PALLD: variants seen among roughly 807,000 people sequenced by gnomAD.
PALLD encodes the protein palladin, cytoskeletal associated protein, also known as palladin.
A neutral mutation model predicts 123.5 loss-of-function variants in PALLD; 61 were observed. The ratio of observed to expected loss-of-function variants is 0.49; its 90% CI spans 0.40 to 0.61. The LOEUF is 0.61. Ranked by LOEUF, PALLD falls within the 20% of genes least tolerant of loss-of-function variation. The pLI is 0.00. For missense variants in PALLD, 1,273 were observed against 1,377.0 expected (o/e 0.92, Z 1.20); for synonymous variants, 465 against 496.4 (o/e 0.94, Z 0.84).
chr4:168,506,507 T>A (rs951364610), intron 1 of PALLD, among the ~76,000 whole-genome samples: 4 of 152,294 alleles, frequency 2.6e-5, no homozygotes, highest in Non-Finnish European at 4.4e-5. Context: ...GTTTGTCCTA[T>A]AATAACTCAT....
chr4:168,835,253 C>A (rs1399968889), intron 10 of PALLD, among the ~76,000 whole-genome samples: 1 of 152,192 alleles, frequency 6.6e-6, no homozygotes. Flanking sequence ...ATTCACTATA[C>A]TTCAAAAATT....
chr4:168,801,069 C>T (rs1485140788), intron 10 of PALLD, among the ~76,000 whole-genome samples: 1 of 152,140 alleles, frequency 6.6e-6, no homozygotes, highest in Admixed American at 6.5e-5. Flanking sequence ...AACCAAGTAC[C>T]TTGCTCAGAG....
intron 2 of PALLD, among the ~76,000 whole-genome samples, chr4:168,615,057 A>C (rs573773890): frequency 6.6e-6 from 1 of 152,314 alleles, no homozygotes; most frequent in Admixed American, 6.5e-5. Context: ...ATGATTAAAG[A>C]AATAGGCTAA....
At chr4:168,813,642 A>T (rs1461486037) in intron 10 of PALLD, among the ~76,000 whole-genome samples, 2 of 152,072 alleles carry the variant, frequency 1.3e-5, no homozygotes, top group African/African-American at 4.8e-5. Context: ...AAAATGTTTT[A>T]GAGTTGGGGG....
At chr4:168,842,478 G>A (rs954899562) in intron 10 of PALLD, among the ~76,000 whole-genome samples, 2 of 152,288 alleles carry the variant, frequency 1.3e-5, no homozygotes, top group Admixed American at 1.3e-4. Flanking sequence ...AAATGTGTCT[G>A]GGACTTGCAG....
At chr4:168,794,004 T>C (rs1465494490) in intron 10 of PALLD, among the ~76,000 whole-genome samples, 1 of 152,198 alleles carries the variant, frequency 6.6e-6, no homozygotes, top group Non-Finnish European at 1.5e-5. Context: ...AGGGTTGGCC[T>C]CCTCTCTGGC....
chr4:168,502,412 G>T (rs1309211132), intron 1 of PALLD, among the ~76,000 whole-genome samples: 1 of 152,088 alleles, frequency 6.6e-6, no homozygotes, highest in African/African-American at 2.4e-5. Flanking sequence ...TTAACACAAT[G>T]TCTGACCTAT....
chr4:168,806,957 C>A (rs75236277), intron 10 of PALLD, among the ~76,000 whole-genome samples: 13 of 152,206 alleles, frequency 8.5e-5, no homozygotes, highest in African/African-American at 3.1e-4. Flanking sequence ...CTTATTCTTT[C>A]AACAAATGCA....
chr4:168,809,794 G>T (rs13125797), intron 10 of PALLD, among the ~76,000 whole-genome samples: 85,671 of 151,042 alleles, frequency 0.57, 24,968 homozygotes, highest in Non-Finnish European at 0.63. Flanking sequence ...AACCCAGGAG[G>T]TAGAAGTTGC....
At chr4:168,761,721 C>T (rs1290739738) in intron 10 of PALLD, among the ~76,000 whole-genome samples, 7 of 133,008 alleles carry the variant, frequency 5.3e-5, no homozygotes, top group South Asian at 2.6e-4. Context: ...CATGTTTCCG[C>T]GGCTGATCTC....
At chr4:168,509,114 A>G (rs976106721) in intron 1 of PALLD, among the ~76,000 whole-genome samples, 6 of 152,192 alleles carry the variant, frequency 3.9e-5, no homozygotes, top group African/African-American at 1.4e-4. Flanking sequence ...TTACAATTTT[A>G]CAACTCTGTA....
At chr4:168,601,569 T>A (rs1283843606) in intron 2 of PALLD, among the ~76,000 whole-genome samples, 1 of 152,056 alleles carries the variant, frequency 6.6e-6, no homozygotes, top group African/African-American at 2.4e-5. Flanking sequence ...TCAAACTCCA[T>A]TCCTCTCTCT....
At chr4:168,721,774 C>T (rs1348381714) in intron 10 of PALLD, among the ~76,000 whole-genome samples, 1 of 152,158 alleles carries the variant, frequency 6.6e-6, no homozygotes. Context: ...TGAGCACATT[C>T]AGAAGTGGAA....
intron 10 of PALLD, among the ~76,000 whole-genome samples, chr4:168,788,834 A>G (rs1347069577): frequency 6.6e-6 from 1 of 152,144 alleles, no homozygotes; most frequent in Non-Finnish European, 1.5e-5. Context: ...TTAAAAATAA[A>G]TGAATTAAAA....
At chr4:168,617,952 G>A (rs953837367) in intron 2 of PALLD, among the ~76,000 whole-genome samples, 5 of 152,130 alleles carry the variant, frequency 3.3e-5, no homozygotes, top group Non-Finnish European at 5.9e-5. Context: ...GTTGAGTTTT[G>A]GAGAGAGAAA....
chr4:168,555,089 T>C (rs1352926728), intron 2 of PALLD, among the ~76,000 whole-genome samples: 1 of 152,206 alleles, frequency 6.6e-6, no homozygotes, highest in Non-Finnish European at 1.5e-5. Flanking sequence ...TCAATTTTAT[T>C]GGAGTCCAGT....
chr4:168,608,926 C>A (rs754018646), intron 2 of PALLD, among the ~76,000 whole-genome samples: 5 of 151,688 alleles, frequency 3.3e-5, no homozygotes, highest in Non-Finnish European at 7.4e-5. Context: ...AGGGGACATC[C>A]CCCTGAGGCA....
chr4:168,683,216 A>G (rs1222975099), intron 5 of PALLD, 113 bp downstream of exon 5: 10 of 613,932 alleles, frequency 1.6e-5, no homozygotes, highest in Non-Finnish European at 2.9e-5. Flanking sequence ...ATATTTTCTA[A>G]GTGGACACAA....
At chr4:168,883,088 CAAAA>C (rs34847342) in intron 10 of PALLD, among the ~76,000 whole-genome samples, 6 of 124,590 alleles carry the variant, frequency 4.8e-5, no homozygotes, top group Admixed American at 1.5e-4. Context: ...AACTCTGTCT[CAAAA>C]AAAAAAAAAA....
Sources: allele counts gnomAD v4.1 joint callset (sites outside exome capture counted in the v4.1 genomes callset), GRCh38; gene constraint gnomAD v4.1.1; transcripts MANE v1.5; gene names NCBI Gene and HGNC (gene_info 2026-07-23, HGNC 2026-07-21).